The following LRBA variants were observed in gnomAD, a reference collection of about 807,000 sequenced individuals.
LRBA encodes the protein lipopolysaccharide-responsive and beige-like anchor protein.
A neutral mutation model predicts 330.0 loss-of-function variants in LRBA; 176 were observed. The observed-to-expected ratio is 0.53, with a 90% CI of 0.47 to 0.60. The LOEUF is 0.60. Among genes scored for constraint, LRBA ranks in the 20% least tolerant of loss-of-function variants. LRBA has a pLI of 0.00. For synonymous variants in LRBA, 1,230 were observed against 1,193.0 expected, an observed-to-expected ratio of 1.03 and a Z score of -0.64; for missense variants, 3,259 against 3,444.8, an observed-to-expected ratio of 0.95 and a Z score of 1.35.
chr4:150,390,877 G>C (rs1204296549), intron 47 of LRBA, among the ~76,000 whole-genome samples: 1 of 152,132 alleles, frequency 6.6e-6, no homozygotes, highest in African/African-American at 2.4e-5. Context: ...ATTTTCTCCT[G>C]ATGTATTGTA....
intron 36 of LRBA, among the ~76,000 whole-genome samples, chr4:150,693,372 G>A (rs889078502): frequency 2.0e-5 from 3 of 151,474 alleles, no homozygotes; most frequent in Non-Finnish European, 4.4e-5. Context: ...GACCATCCCG[G>A]CTAAAACGGT....
At chr4:150,726,560 G>C (rs1004489058) in intron 36 of LRBA, among the ~76,000 whole-genome samples, 2 of 152,160 alleles carry the variant, frequency 1.3e-5, no homozygotes, top group Non-Finnish European at 2.9e-5. Context: ...AGATCCATGT[G>C]GTTGGGAGGC....
At chr4:150,688,337 A>C (rs980166290) in intron 36 of LRBA, among the ~76,000 whole-genome samples, 3 of 152,218 alleles carry the variant, frequency 2.0e-5, no homozygotes, top group African/African-American at 7.2e-5. Context: ...GTAAGACCTA[A>C]AACCATAAAA....
At chr4:150,456,093 T>C (rs1252463724) in intron 44 of LRBA, among the ~76,000 whole-genome samples, 1 of 152,168 alleles carries the variant, frequency 6.6e-6, no homozygotes, top group East Asian at 1.9e-4. Flanking sequence ...TTAGGTTGCT[T>C]CCAAATCTTG....
chr4:150,915,643 A>T lies in LRBA; in HGVS notation c.979T>A (p.Tyr327Asn), dbSNP rs1732498833. 1.2e-6 allele frequency: 2 copies of T among 1,612,824 alleles called. No individual in the cohort carries two copies. Among genetic ancestry groups the T allele is most frequent in the African/African-American group, 2.7e-5 (2 of 74,890 alleles). Residue 327 changes from tyrosine (Y) to asparagine (N), a missense_variant, in exon 8 of 57, where the codon TAT (tyrosine) becomes AAT (asparagine). Tyr to Asn is a moderately radical substitution (Grantham distance 143). Coordinates refer to ENST00000651943, the MANE Select transcript of LRBA (RefSeq NM_001364905.1). The stretch of plus-strand genomic sequence containing the variant: ...TTGACAAACCATGTTATCTCTCCAT[A>T]GGAAGCCAGCTCACCATTCACATAA... ...RCYVNGELAS[Y>N]GEITWFVNTS...
intron 17 of LRBA, among the ~76,000 whole-genome samples, chr4:150,877,177 G>A (rs62344578): frequency 0.083 from 12,550 of 150,786 alleles, 888 homozygotes; most frequent in African/African-American, 0.2. Context: ...AGAATGGCAT[G>A]AACCTGGGAG....
At chr4:150,857,084 G>A (rs1239091501) in intron 22 of LRBA, among the ~76,000 whole-genome samples, 1 of 152,016 alleles carries the variant, frequency 6.6e-6, no homozygotes, top group Non-Finnish European at 1.5e-5. Flanking sequence ...TTTAAGCAAA[G>A]GCATCTTTTT....
intron 36 of LRBA, among the ~76,000 whole-genome samples, chr4:150,714,514 C>A (rs1786550687): frequency 6.6e-6 from 1 of 151,988 alleles, no homozygotes; most frequent in Non-Finnish European, 1.5e-5. Flanking sequence ...AGATTCCAAT[C>A]TAACTAAAAT....
intron 13 of LRBA, among the ~76,000 whole-genome samples, chr4:150,904,001 G>A (rs1317857860): frequency 6.6e-6 from 1 of 152,172 alleles, no homozygotes; most frequent in Non-Finnish European, 1.5e-5. Context: ...GACCATGGTA[G>A]ACAAGAAAAT....
rs575016989 is a variant in LRBA at position 150,482,855 on chromosome 4, A to AT, written c.6551+4876dup. On this transcript the variant is annotated intron_variant, in intron 42 of 56. Coordinates refer to ENST00000651943, the MANE Select transcript of LRBA (RefSeq NM_001364905.1). Reference sequence around the variant, plus strand: ...GTTGAAGTATCTGTTCAAAACTTACATTTTTTTTTTGTAGCAAGCTTATCT... The same window carrying AT: ...GTTGAAGTATCTGTTCAAAACTTACATTTTTTTTTTTGTAGCAAGCTTATCT... 1.4e-3 allele frequency among the ~76,000 whole-genome samples: 204 copies of AT among 147,516 alleles called. 4 individuals carry two copies. The highest frequency in any genetic ancestry group is 0.012 in the South Asian group (57 of 4,666).
chr4:150,735,386 T>C lies in LRBA; in HGVS notation c.5646-20A>G. On this transcript the variant is annotated intron_variant, in intron 35 of 56. Transcript: ENST00000651943. ...AGCAACCTGTAAGAAATGAATGTTA[T>C]CAAATAAATATATGTATACACACAC... The C allele has an allele frequency of 6.9e-7, 1 of 1,458,634 alleles. No individual in the cohort carries two copies. Among genetic ancestry groups the C allele is most frequent in the East Asian group, 2.3e-5 (1 of 44,130 alleles). The allele number at this position is 1,458,634 out of a possible 1,614,324, so 90.4% of individuals were successfully genotyped here. A position where few individuals can be genotyped will look rare whatever the true frequency, so the allele number is the denominator to read the frequency against.
At chr4:150,363,722 G>A (rs996787846) in intron 47 of LRBA, among the ~76,000 whole-genome samples, 3 of 152,208 alleles carry the variant, frequency 2.0e-5, no homozygotes, top group Admixed American at 1.3e-4. Context: ...CAAAGGGCAG[G>A]TGTCACAGTC....
At chr4:150,682,862 A>G (rs1018331524) in intron 37 of LRBA, among the ~76,000 whole-genome samples, 2 of 152,266 alleles carry the variant, frequency 1.3e-5, no homozygotes, top group South Asian at 2.1e-4. Context: ...AAGAGTCAAC[A>G]CATGTTCCTG....
chr4:150,865,945 AC>A (rs917123770), intron 22 of LRBA, among the ~76,000 whole-genome samples: 12 of 152,066 alleles, frequency 7.9e-5, no homozygotes, highest in African/African-American at 2.4e-4. Flanking sequence ...CCAACTTTTG[AC>A]CTCAGGTGAT....
intron 37 of LRBA, among the ~76,000 whole-genome samples, chr4:150,675,105 T>A (rs1782418477): frequency 6.6e-6 from 1 of 151,418 alleles, no homozygotes; most frequent in Non-Finnish European, 1.5e-5. Context: ...GAGGCTGAGT[T>A]AAAAGGACTG....
intron 40 of LRBA, among the ~76,000 whole-genome samples, chr4:150,551,961 G>A (rs978950403): frequency 2.0e-5 from 3 of 152,110 alleles, no homozygotes; most frequent in African/African-American, 7.2e-5. Flanking sequence ...GTGGGGTGGG[G>A]GGTAGGAGGT....
intron 40 of LRBA, among the ~76,000 whole-genome samples, chr4:150,559,323 G>A (rs997548840): frequency 6.6e-6 from 1 of 151,540 alleles, no homozygotes; most frequent in African/African-American, 2.4e-5. Flanking sequence ...AGCACGTTGG[G>A]AGGCCAAGGC....
chr4:150,284,168 T>C (rs1747879316), intron 54 of LRBA, among the ~76,000 whole-genome samples: 1 of 152,142 alleles, frequency 6.6e-6, no homozygotes, highest in Non-Finnish European at 1.5e-5. Flanking sequence ...TGAAGGAACT[T>C]ATCAGTGTAA....
intron 36 of LRBA, among the ~76,000 whole-genome samples, chr4:150,718,032 T>C (rs1728461894): frequency 6.6e-6 from 1 of 152,194 alleles, no homozygotes; most frequent in African/African-American, 2.4e-5. Flanking sequence ...AGGAAACTTG[T>C]ATATTCACAC....
Sources: gnomAD v4.1 joint callset for allele counts (sites outside exome capture counted in the v4.1 genomes callset) on GRCh38, gnomAD v4.1.1 for gene constraint, MANE v1.5 for transcripts, NCBI Gene and HGNC (gene_info 2026-07-23, HGNC 2026-07-21) for gene names.